The following GRIK1 variants were observed in gnomAD, a reference collection of about 807,000 sequenced individuals.
GRIK1 encodes glutamate ionotropic receptor kainate type subunit 1, also known as glutamate receptor ionotropic, kainate 1.
GRIK1 carries 69 observed loss-of-function variants against 105.7 expected under a neutral mutation model. The ratio of observed to expected loss-of-function variants is 0.65; its 90% CI spans 0.54 to 0.80. The LOEUF (loss-of-function observed/expected upper bound fraction) is 0.80, where lower values mean the gene tolerates loss of function less well. GRIK1 is among the 30% of genes least tolerant of loss of function. The pLI is 0.00. For missense variants in GRIK1, 1,109 were observed against 1,167.3 expected (o/e 0.95, Z 0.73); for synonymous variants, 438 against 431.3 (o/e 1.02, Z -0.19).
intron 1 of GRIK1, among the ~76,000 whole-genome samples, chr21:29,834,869 T>G (rs1239269184): frequency 6.6e-6 from 1 of 150,912 alleles, no homozygotes; most frequent in Admixed American, 6.6e-5. Context: ...ATTTTATTTA[T>G]TCAATATTAA....
chr21:29,883,265 ACTCTTGTGGTT>A (rs2069492197), intron 1 of GRIK1, among the ~76,000 whole-genome samples: 1 of 152,064 alleles, frequency 6.6e-6, no homozygotes, highest in South Asian at 2.1e-4. Context: ...TACTTTATAA[ACTCTTGTGGTT>A]CTATGAAACA....
chr21:29,549,321 A>C (rs1380652658), intron 16 of GRIK1, among the ~76,000 whole-genome samples: 1 of 152,244 alleles, frequency 6.6e-6, no homozygotes, highest in East Asian at 1.9e-4. Context: ...CTTTTAAATA[A>C]TGCAACTACC....
At chr21:29,858,316 T>C (rs2068528310) in intron 1 of GRIK1, among the ~76,000 whole-genome samples, 1 of 152,182 alleles carries the variant, frequency 6.6e-6, no homozygotes, top group African/African-American at 2.4e-5. Context: ...GATTCTTCAA[T>C]AGTGACGTTT....
chr21:29,892,683 G>C (rs1569195845), intron 1 of GRIK1, among the ~76,000 whole-genome samples: 1 of 152,170 alleles, frequency 6.6e-6, no homozygotes. Context: ...TGGTCTCCAG[G>C]CTCCCTTAAG....
At chr21:29,631,617 T>G (rs1373132584) in intron 7 of GRIK1, among the ~76,000 whole-genome samples, 1 of 152,206 alleles carries the variant, frequency 6.6e-6, no homozygotes. Flanking sequence ...AGGTGGCTGT[T>G]GAGCACTTGA....
intron 15 of GRIK1, among the ~76,000 whole-genome samples, chr21:29,560,515 CCTTCCTTTCTTTCTTTCTTTCTTT>C (rs1303207462): frequency 9.9e-5 from 5 of 50,254 alleles, no homozygotes; most frequent in Non-Finnish European, 1.4e-4. Context: ...TTCCTTCCTT[CCTTCCTTTCTTTCTTTCTTTCTTT>C]CTTTCTTTCT....
At chr21:29,695,387 A>T (rs944855642) in intron 1 of GRIK1, among the ~76,000 whole-genome samples, 4 of 152,118 alleles carry the variant, frequency 2.6e-5, no homozygotes, top group African/African-American at 9.7e-5. Context: ...ATGCTCATGG[A>T]ATGCTAAACA....
chr21:29,709,341 T>G (rs1026345328), intron 1 of GRIK1, among the ~76,000 whole-genome samples: 5 of 148,254 alleles, frequency 3.4e-5, no homozygotes, highest in Non-Finnish European at 5.9e-5. Context: ...AGTGCCGTGG[T>G]GCAATCTCAA....
intron 1 of GRIK1, among the ~76,000 whole-genome samples, chr21:29,776,473 C>T (rs2065946055): frequency 6.6e-6 from 1 of 152,152 alleles, no homozygotes; most frequent in African/African-American, 2.4e-5. Flanking sequence ...TCCATGAAGG[C>T]ATATTGCTCA....
chr21:29,564,290 G>A (rs1421848784), intron 14 of GRIK1, among the ~76,000 whole-genome samples: 2 of 151,250 alleles, frequency 1.3e-5, no homozygotes, highest in African/African-American at 4.8e-5. Flanking sequence ...TGGGACTACA[G>A]GCGCCCGCCA....
intron 1 of GRIK1, among the ~76,000 whole-genome samples, chr21:29,897,620 T>G (rs193007448): frequency 6.6e-6 from 1 of 152,210 alleles, no homozygotes; most frequent in Non-Finnish European, 1.5e-5. Flanking sequence ...CAGAAGTAAT[T>G]TGAGTCCAGG....
chr21:29,632,553 T>C (rs1024130585), intron 7 of GRIK1, among the ~76,000 whole-genome samples: 1 of 152,012 alleles, frequency 6.6e-6, no homozygotes, highest in Non-Finnish European at 1.5e-5. Flanking sequence ...ACAAAACATG[T>C]ATATCCTCAC....
chr21:29,612,806 T>A (rs2061758909), intron 7 of GRIK1, among the ~76,000 whole-genome samples: 1 of 152,230 alleles, frequency 6.6e-6, no homozygotes. Flanking sequence ...GCTAATAGGC[T>A]ATGCATTGAT....
chr21:29,717,331 A>T (rs1048531314), intron 1 of GRIK1, among the ~76,000 whole-genome samples: 3 of 152,240 alleles, frequency 2.0e-5, no homozygotes, highest in African/African-American at 7.2e-5. Context: ...TCCAGACCCC[A>T]GGATGATAGA....
intron 1 of GRIK1, among the ~76,000 whole-genome samples, chr21:29,860,980 T>C (rs1318338503): frequency 6.6e-6 from 1 of 152,082 alleles, no homozygotes; most frequent in African/African-American, 2.4e-5. Flanking sequence ...GAATATATTA[T>C]AAAATTCATT....
Position 29,770,434 on chromosome 21 carries a change from G to A in GRIK1, c.119-76371C>T, listed in dbSNP as rs113149019. Among the ~76,000 whole-genome samples the A allele has an allele frequency of 2.0e-5, 3 of 152,260 alleles. 1 individual carries two copies. The highest frequency in any genetic ancestry group is 7.2e-5 in the African/African-American group (3 of 41,548). ...GCCGATGACTCCAACAATGACCCTT[G>A]TCAGCACTTGTGGGATTGGGACAAA... is the stretch of plus-strand genomic sequence containing the variant. On this transcript the variant is annotated intron_variant, in intron 1 of 17. Coordinates refer to ENST00000327783, the MANE Select transcript of GRIK1 (RefSeq NM_001330994.2).
Position 29,558,376 on chromosome 21 carries a change from T to TCACACACACACACACACACACACACA in GRIK1, c.2357-3075_2357-3074insTGTGTGTGTGTGTGTGTGTGTGTGTG, listed in dbSNP as rs35594883. Among the ~76,000 whole-genome samples the TCACACACACACACACACACACACACA allele has an allele frequency of 5.1e-3, 750 of 146,986 alleles. 8 individuals are homozygous for TCACACACACACACACACACACACACA. Among genetic ancestry groups the TCACACACACACACACACACACACACA allele is most frequent in the African/African-American group, 0.017 (679 of 39,774 alleles). On this transcript the variant is annotated intron_variant, in intron 15 of 17. Transcript: ENST00000327783. ...TATATATATATTTCATATATATATT[T>TCACACACACACACACACACACACACA]CACACACACACACACACACACATAT...
chr21:29,549,331 C>T (rs934891593), intron 16 of GRIK1, among the ~76,000 whole-genome samples: 45 of 151,820 alleles, frequency 3.0e-4, no homozygotes, highest in African/African-American at 7.3e-4. Context: ...ATGCAACTAC[C>T]GTTAGGATTG....
At chr21:29,595,566 A>G (rs1462626781) in intron 9 of GRIK1, among the ~76,000 whole-genome samples, 2 of 152,138 alleles carry the variant, frequency 1.3e-5, no homozygotes, top group Non-Finnish European at 2.9e-5. Context: ...GGCTACAGGG[A>G]GAAACTTGTG....
Sources: allele counts gnomAD v4.1 joint callset (sites outside exome capture counted in the v4.1 genomes callset), GRCh38; gene constraint gnomAD v4.1.1; transcripts MANE v1.5; gene names NCBI Gene and HGNC (gene_info 2026-07-23, HGNC 2026-07-21).